GRID2: variants seen among roughly 807,000 people sequenced by gnomAD.
GRID2 encodes glutamate receptor ionotropic, delta-2.
A neutral mutation model predicts 114.8 loss-of-function variants in GRID2; 33 were observed. The ratio of observed to expected loss-of-function variants is 0.29; its 90% CI spans 0.22 to 0.38. The LOEUF is 0.38. Among genes scored for constraint, GRID2 ranks in the 10% least tolerant of loss-of-function variants. GRID2 has a pLI of 1.00. For synonymous variants in GRID2, 505 were observed against 449.9 expected (o/e 1.12, Z -1.55); for missense variants, 1,184 against 1,257.7 (o/e 0.94, Z 0.89).
At chr4:93,223,176 C>T (rs72666938) in intron 6 of GRID2, among the ~76,000 whole-genome samples, 6 of 152,172 alleles carry the variant, frequency 3.9e-5, no homozygotes, top group East Asian at 1.9e-4. Context: ...GTATAGCAGA[C>T]TTCAGCCATT....
At chr4:92,514,665 A>G (rs1724419602) in intron 1 of GRID2, among the ~76,000 whole-genome samples, 1 of 151,916 alleles carries the variant, frequency 6.6e-6, no homozygotes, top group African/African-American at 2.4e-5. Flanking sequence ...TTCTATAGCA[A>G]TTGGTATCCA....
intron 4 of GRID2, among the ~76,000 whole-genome samples, chr4:93,120,359 T>C (rs1011974672): frequency 3.3e-5 from 5 of 152,118 alleles, no homozygotes; most frequent in Non-Finnish European, 5.9e-5. Flanking sequence ...TGCCCATCAA[T>C]GATAGACTGG....
intron 4 of GRID2, among the ~76,000 whole-genome samples, chr4:93,170,211 G>A (rs1313932956): frequency 1.3e-5 from 2 of 152,064 alleles, no homozygotes; most frequent in South Asian, 2.1e-4. Flanking sequence ...AGCCACTCAA[G>A]TTGCTGGAAT....
chr4:92,868,070 G>A (rs77689941), intron 2 of GRID2, among the ~76,000 whole-genome samples: 1 of 114,218 alleles, frequency 8.8e-6, no homozygotes, highest in South Asian at 2.9e-4. Context: ...CTTTCTTTCT[G>A]TCTGTCTGTC....
intron 1 of GRID2, among the ~76,000 whole-genome samples, chr4:92,553,838 G>A (rs1469542004): frequency 1.3e-5 from 2 of 152,048 alleles, no homozygotes; most frequent in Non-Finnish European, 2.9e-5. Flanking sequence ...TTTTAGTAGA[G>A]ACGGGCTTTT....
At chr4:93,566,021 A>C (rs1490443807) in intron 13 of GRID2, among the ~76,000 whole-genome samples, 1 of 152,210 alleles carries the variant, frequency 6.6e-6, no homozygotes, top group East Asian at 1.9e-4. Context: ...TGCTCCACAC[A>C]GTCATTCAGG....
intron 2 of GRID2, among the ~76,000 whole-genome samples, chr4:92,760,660 A>C (rs958741832): frequency 2.6e-5 from 4 of 152,132 alleles, no homozygotes; most frequent in African/African-American, 9.7e-5. Context: ...TGTCCTGATA[A>C]ATCTCCTGCA....
At chr4:92,550,172 G>C (rs1726507252) in intron 1 of GRID2, among the ~76,000 whole-genome samples, 1 of 152,054 alleles carries the variant, frequency 6.6e-6, no homozygotes, top group South Asian at 2.1e-4. Context: ...CTTTGTTCCA[G>C]TACTTTGTGA....
intron 2 of GRID2, among the ~76,000 whole-genome samples, chr4:92,715,502 T>C (rs1735497117): frequency 6.6e-6 from 1 of 152,030 alleles, no homozygotes; most frequent in Non-Finnish European, 1.5e-5. Flanking sequence ...TATTCCTTTT[T>C]ACACTGCTGA....
intron 2 of GRID2, among the ~76,000 whole-genome samples, chr4:92,740,723 GATA>G (rs1736846300): frequency 6.8e-6 from 1 of 146,366 alleles, no homozygotes; most frequent in Non-Finnish European, 1.5e-5. Flanking sequence ...TAGATAGATA[GATA>G]GATAGATAGA....
intron 1 of GRID2, among the ~76,000 whole-genome samples, chr4:92,397,338 T>TTGTGTGTG (rs1227002294): frequency 7.2e-5 from 9 of 124,274 alleles, no homozygotes; most frequent in African/African-American, 3.1e-4. Context: ...CTCTGTGTGT[T>TTGTGTGTG]TGTATGTGTG....
chr4:92,585,487 A>G (rs746628467), intron 1 of GRID2, among the ~76,000 whole-genome samples: 24 of 152,000 alleles, frequency 1.6e-4, no homozygotes, highest in Non-Finnish European at 2.7e-4. Context: ...ATGTTTTTAT[A>G]TAAGTTTTTC....
intron 1 of GRID2, among the ~76,000 whole-genome samples, chr4:92,414,155 T>A (rs1488884725): frequency 6.6e-6 from 1 of 152,206 alleles, no homozygotes; most frequent in Non-Finnish European, 1.5e-5. Context: ...TTGCTGCACC[T>A]TGTATCTTAC....
chr4:92,875,073 G>A (rs577513280), intron 2 of GRID2, among the ~76,000 whole-genome samples: 3 of 151,286 alleles, frequency 2.0e-5, no homozygotes, highest in South Asian at 4.2e-4. Context: ...TTAAATTTAC[G>A]GTGAAATTTC....
chr4:92,540,464 C>T (rs1579545616), intron 1 of GRID2, among the ~76,000 whole-genome samples: 1 of 152,106 alleles, frequency 6.6e-6, no homozygotes, highest in South Asian at 2.1e-4. Flanking sequence ...AAAACAACCC[C>T]ATCAAAAAGT....
intron 3 of GRID2, among the ~76,000 whole-genome samples, chr4:93,097,730 C>T (rs915772189): frequency 6.6e-6 from 1 of 151,846 alleles, no homozygotes; most frequent in African/African-American, 2.4e-5. Flanking sequence ...AGACTCCAAG[C>T]GATGCAGAAT....
At chr4:93,733,729 G>A (rs896851130) in intron 14 of GRID2, among the ~76,000 whole-genome samples, 4 of 152,036 alleles carry the variant, frequency 2.6e-5, no homozygotes, top group African/African-American at 9.7e-5. Context: ...CCACAGATTA[G>A]AACTCAGTGT....
intron 1 of GRID2, among the ~76,000 whole-genome samples, chr4:92,510,515 G>A (rs1219174028): frequency 6.6e-6 from 1 of 151,774 alleles, no homozygotes; most frequent in Non-Finnish European, 1.5e-5. Context: ...TAGTCATCAA[G>A]GGTTTGATAG....
intron 14 of GRID2, among the ~76,000 whole-genome samples, chr4:93,762,943 C>T (rs1450093463): frequency 1.3e-5 from 2 of 152,110 alleles, no homozygotes; most frequent in African/African-American, 4.8e-5. Context: ...GGCAGAGGCT[C>T]AGAAGGATGT....
Sources: allele counts gnomAD v4.1 joint callset (sites outside exome capture counted in the v4.1 genomes callset), GRCh38; gene constraint gnomAD v4.1.1; transcripts MANE v1.5; gene names NCBI Gene and HGNC (gene_info 2026-07-23, HGNC 2026-07-21).